TCF4: variants seen among roughly 807,000 people sequenced by gnomAD.
The protein encoded by TCF4 is transcription factor 4, also known as SL3-3 enhancer factor 2.
TCF4 carries 3 observed loss-of-function variants against 82.1 expected under a neutral mutation model. The observed-to-expected ratio is 0.04, with a 90% CI of 0.02 to 0.09. The LOEUF (loss-of-function observed/expected upper bound fraction) is 0.09. Among genes scored for constraint, TCF4 ranks in the 10% least tolerant of loss-of-function variants. TCF4 has a pLI of 1.00. For missense variants in TCF4, 518 were observed against 852.7 expected (o/e 0.61, Z 4.89); for synonymous variants, 276 against 309.6 (o/e 0.89, Z 1.14).
intron 8 of TCF4, among the ~76,000 whole-genome samples, chr18:55,331,530 T>C (rs1396972724): frequency 2.6e-5 from 4 of 152,214 alleles, no homozygotes; most frequent in Admixed American, 6.5e-5. Context: ...AAAAGAGATT[T>C]ATTTCCTTCC....
At chr18:55,586,229 A>AGCCACCGCATCCCCTGTCTCAGC in intron 2 of TCF4, 1 of 977,744 alleles carries the variant, frequency 1.0e-6, no homozygotes, top group Non-Finnish European at 1.5e-6. Context: ...CAGCAGCAGC[A>AGCCACCGCATCCCCTGTCTCAGC]TGAAAGAGCC....
intron 8 of TCF4, among the ~76,000 whole-genome samples, chr18:55,327,322 A>C (rs2076733310): frequency 1.3e-5 from 2 of 152,094 alleles, no homozygotes; most frequent in South Asian, 4.1e-4. Flanking sequence ...ATAAAGCACA[A>C]ATCATCTCAA....
intron 2 of TCF4, among the ~76,000 whole-genome samples, chr18:55,606,322 T>C (rs1223865207): frequency 6.6e-6 from 1 of 152,156 alleles, no homozygotes; most frequent in Non-Finnish European, 1.5e-5. Flanking sequence ...CTTTTGAGAG[T>C]GTGAAAATGT....
At chr18:55,336,695 A>AT (rs1321895263) in intron 8 of TCF4, among the ~76,000 whole-genome samples, 1 of 152,136 alleles carries the variant, frequency 6.6e-6, no homozygotes, top group Non-Finnish European at 1.5e-5. Flanking sequence ...AAAGAAAAAA[A>AT]TTTTAGTCAA....
At position 55,275,687 on chromosome 18, in the gene TCF4, T is replaced by C. The variant is rs2061374229; in HGVS notation, c.721A>G (p.Met241Val). 1.2e-6 allele frequency: 2 copies of C among 1,613,794 alleles called. No homozygotes were observed. Among genetic ancestry groups the C allele is most frequent in the Non-Finnish European group, 1.7e-6 (2 of 1,179,824 alleles). ...SGMNQPGYAG[M>V]LGNSSHIPQS... ...GGAATATGAGAAGAGTTGCCCAACATTCCTGCATAGCCAGGCTGATTCATC... is the reference window on the plus strand; with the variant it reads ...GGAATATGAGAAGAGTTGCCCAACACTCCTGCATAGCCAGGCTGATTCATC... The change falls in exon 10 of 20, where the codon ATG (methionine) becomes GTG (valine). Residue 241 changes from methionine to valine, a missense_variant. Physicochemically the swap from Met to Val is conservative, Grantham distance 21 (BLOSUM62 1). Coordinates refer to ENST00000354452, the MANE Select transcript of TCF4 (RefSeq NM_001083962.2).
intron 3 of TCF4, among the ~76,000 whole-genome samples, chr18:55,490,038 G>A (rs2096559847): frequency 1.3e-5 from 2 of 152,070 alleles, no homozygotes; most frequent in Admixed American, 6.5e-5. Flanking sequence ...TAGAAAGAAC[G>A]GTTTCAAACC....
chr18:55,345,701 A>C (rs1569111866), intron 8 of TCF4, among the ~76,000 whole-genome samples: 1 of 152,132 alleles, frequency 6.6e-6, no homozygotes, highest in Non-Finnish European at 1.5e-5. Context: ...TTTACGTCTT[A>C]CCACACAATC....
intron 3 of TCF4, among the ~76,000 whole-genome samples, chr18:55,483,451 T>C (rs1001902530): frequency 1.3e-5 from 2 of 152,200 alleles, no homozygotes; most frequent in African/African-American, 4.8e-5. Context: ...CTTAACACAT[T>C]GAAACACTTC....
At chr18:55,523,416 T>C (rs575559102) in intron 3 of TCF4, among the ~76,000 whole-genome samples, 2 of 152,044 alleles carry the variant, frequency 1.3e-5, no homozygotes, top group South Asian at 4.1e-4. Context: ...TGGCAGGTCT[T>C]ATCAGTTTTT....
chr18:55,321,438 C>G (rs1231668028), intron 8 of TCF4: 2 of 647,574 alleles, frequency 3.1e-6, no homozygotes, highest in African/African-American at 3.6e-5. Context: ...CTCTAAAGCT[C>G]TGAAAGCATC....
chr18:55,326,886 C>T (rs1225258500), intron 8 of TCF4, among the ~76,000 whole-genome samples: 1 of 152,116 alleles, frequency 6.6e-6, no homozygotes, highest in Non-Finnish European at 1.5e-5. Context: ...TTAGACCCAA[C>T]AAAGGATCCA....
chr18:55,322,119 T>TG, intron 8 of TCF4: 1 of 1,046,152 alleles, frequency 9.6e-7, no homozygotes, highest in Non-Finnish European at 1.2e-6. Context: ...TTTTTTTTTT[T>TG]TTTGTTTTGT....
intron 3 of TCF4, among the ~76,000 whole-genome samples, chr18:55,468,167 T>C (rs1309944490): frequency 1.3e-5 from 2 of 152,128 alleles, no homozygotes; most frequent in Admixed American, 6.6e-5. Context: ...ACACAAAATA[T>C]ACGAAATCAA....
chr18:55,403,622 T>C (rs750463235), intron 5 of TCF4, 104 bp from the exon 6 acceptor site: 7 of 1,609,848 alleles, frequency 4.3e-6, no homozygotes, highest in East Asian at 4.5e-5. Flanking sequence ...TTTACATACG[T>C]AAAGTAGGCA....
intron 6 of TCF4, among the ~76,000 whole-genome samples, chr18:55,368,414 G>A (rs1326181100): frequency 6.6e-6 from 1 of 151,932 alleles, no homozygotes; most frequent in Admixed American, 6.6e-5. Flanking sequence ...ATAACAAAAA[G>A]TCATGAGAGT....
chr18:55,480,677 C>CT (rs1376880723), intron 3 of TCF4, among the ~76,000 whole-genome samples: 9 of 152,206 alleles, frequency 5.9e-5, no homozygotes, highest in African/African-American at 1.7e-4. Flanking sequence ...TTCCCGGTCT[C>CT]TTTATTGATT....
chr18:55,588,336 C>A, upstream of TCF4: 1 of 1,480,290 alleles, frequency 6.8e-7, no homozygotes. Context: ...GGGGCTCCGG[C>A]GGGGAGACGC....
At chr18:55,410,565 G>A (rs892176470) in intron 5 of TCF4, among the ~76,000 whole-genome samples, 2 of 151,940 alleles carry the variant, frequency 1.3e-5, no homozygotes, top group South Asian at 2.1e-4. Context: ...TTTTATAGAC[G>A]AAGTCACTAA....
chr18:55,430,119 C>A (rs1187714206), intron 5 of TCF4, among the ~76,000 whole-genome samples: 1 of 152,044 alleles, frequency 6.6e-6, no homozygotes, highest in Non-Finnish European at 1.5e-5. Flanking sequence ...AGCTTCAGAC[C>A]TTTGATGTCT....
Sources: gnomAD v4.1 joint callset for allele counts (sites outside exome capture counted in the v4.1 genomes callset) on GRCh38, gnomAD v4.1.1 for gene constraint, MANE v1.5 for transcripts, NCBI Gene and HGNC (gene_info 2026-07-23, HGNC 2026-07-21) for gene names.